The following PGAP1 variants were observed in gnomAD, a reference collection of about 807,000 sequenced individuals.
The protein encoded by PGAP1 is post-GPI attachment to proteins inositol deacylase 1.
In PGAP1, 76 loss-of-function variants were observed where a neutral mutation model predicts 127.0. The ratio of observed to expected loss-of-function variants is 0.60; its 90% CI spans 0.50 to 0.72. PGAP1 has a LOEUF of 0.72. PGAP1 is among the 30% of genes least tolerant of loss of function. The pLI is 0.00. For synonymous variants in PGAP1, 362 were observed against 366.5 expected (o/e 0.99, Z 0.14); for missense variants, 982 against 1,071.3 (o/e 0.92, Z 1.16).
chr2:196,924,349 T>C (rs755790010), intron 1 of PGAP1, among the ~76,000 whole-genome samples: 1 of 152,182 alleles, frequency 6.6e-6, no homozygotes, highest in Non-Finnish European at 1.5e-5. Flanking sequence ...CTATAAAATA[T>C]AATTAAAAGT....
intron 19 of PGAP1, among the ~76,000 whole-genome samples, chr2:196,868,540 T>G (rs997931603): frequency 1.3e-5 from 2 of 152,196 alleles, no homozygotes; most frequent in Non-Finnish European, 1.5e-5. Flanking sequence ...AATTAAAATA[T>G]TTCATCTAAA....
intron 7 of PGAP1, among the ~76,000 whole-genome samples, chr2:196,896,600 C>G (rs1702280205): frequency 6.6e-6 from 1 of 152,078 alleles, no homozygotes; most frequent in Non-Finnish European, 1.5e-5. Context: ...AATCCCAGCA[C>G]TTTGGGAGGC....
At chr2:196,845,179 AT>A (rs1173931306) in intron 23 of PGAP1, among the ~76,000 whole-genome samples, 1 of 151,950 alleles carries the variant, frequency 6.6e-6, no homozygotes, top group Non-Finnish European at 1.5e-5. Context: ...GCTGTAAATA[AT>A]TTTTTAAGAA....
At chr2:196,868,057 T>G (rs1179869397) in intron 19 of PGAP1, among the ~76,000 whole-genome samples, 1 of 152,184 alleles carries the variant, frequency 6.6e-6, no homozygotes, top group Non-Finnish European at 1.5e-5. Context: ...GATTCCAGCT[T>G]TGCCTCTCAC....
At chr2:196,913,616 CTTT>C (rs1388093061) in intron 3 of PGAP1, among the ~76,000 whole-genome samples, 1 of 152,164 alleles carries the variant, frequency 6.6e-6, no homozygotes, top group African/African-American at 2.4e-5. Context: ...TTCAAAAAAT[CTTT>C]TGTTTTCAAC....
rs1700249672 is a variant in PGAP1 at position 196,836,842 on chromosome 2, G to A, written c.*4392C>T. On this transcript the variant is annotated 3_prime_UTR_variant, in exon 27 of 27. Coordinates refer to ENST00000354764, the MANE Select transcript of PGAP1 (RefSeq NM_024989.4). ...TTACTGCTTTCTTATCCTGGCAAAT[G>A]TCATGCACTCCAAATGGATTTTCCC... The A allele has an allele frequency of 6.6e-6, 1 of 152,128 alleles. No individual in the cohort carries two copies. The highest frequency in any genetic ancestry group is 1.5e-5 in the Non-Finnish European group (1 of 68,018). 9.4% of individuals were successfully genotyped at this position (152,128 alleles called of 1,614,324 possible).
intron 18 of PGAP1, among the ~76,000 whole-genome samples, 200 bp from the exon 19 acceptor site, chr2:196,871,179 T>C (rs1701399289): frequency 6.6e-6 from 1 of 152,200 alleles, no homozygotes; most frequent in Non-Finnish European, 1.5e-5. Flanking sequence ...CTGTTTAGTA[T>C]ACTTTCCCAC....
chr2:196,922,606 ACACACACAC>A (rs1298714143), intron 1 of PGAP1: 33 of 810,870 alleles, frequency 4.1e-5, no homozygotes, highest in South Asian at 1.1e-4. Context: ...ACACACACAC[ACACACACAC>A]AACAAAGCTT....
intron 1 of PGAP1, among the ~76,000 whole-genome samples, chr2:196,920,758 A>G (rs1188293595): frequency 6.6e-6 from 1 of 152,100 alleles, no homozygotes; most frequent in East Asian, 1.9e-4. Flanking sequence ...CTTACCATAA[A>G]CATTCCAGTG....
intron 14 of PGAP1, among the ~76,000 whole-genome samples, chr2:196,874,422 T>A (rs1701497873): frequency 6.6e-6 from 1 of 152,154 alleles, no homozygotes; most frequent in African/African-American, 2.4e-5. Flanking sequence ...ACCAGAGTGA[T>A]ATTTGCTAAG....
intron 4 of PGAP1, among the ~76,000 whole-genome samples, chr2:196,911,777 T>A (rs1194483126): frequency 6.6e-6 from 1 of 152,202 alleles, no homozygotes; most frequent in Non-Finnish European, 1.5e-5. Context: ...AACAATAAGT[T>A]GAGATAACAG....
intron 7 of PGAP1, among the ~76,000 whole-genome samples, chr2:196,893,599 A>T (rs903747555): frequency 6.6e-6 from 1 of 152,202 alleles, no homozygotes; most frequent in Non-Finnish European, 1.5e-5. Flanking sequence ...AAAACATTAT[A>T]AAAATGTATA....
intron 20 of PGAP1, among the ~76,000 whole-genome samples, chr2:196,854,418 T>G (rs534941080): frequency 6.6e-6 from 1 of 152,290 alleles, no homozygotes; most frequent in African/African-American, 2.4e-5. Flanking sequence ...TTACATAAAT[T>G]CATAGAAATC....
At chr2:196,882,577 G>A (rs1701766527) in intron 12 of PGAP1, among the ~76,000 whole-genome samples, 1 of 152,124 alleles carries the variant, frequency 6.6e-6, no homozygotes, top group South Asian at 2.1e-4. Context: ...TCTCTGATCA[G>A]TTGTATTCCT....
intron 20 of PGAP1, among the ~76,000 whole-genome samples, chr2:196,863,818 A>C (rs189178329): frequency 1.8e-3 from 272 of 152,100 alleles, no homozygotes; most frequent in Middle Eastern, 6.8e-3. Flanking sequence ...ACCTCAGGTG[A>C]TCCGCCCGCC....
chr2:196,863,499 A>G (rs1438958898), intron 20 of PGAP1, among the ~76,000 whole-genome samples: 1 of 152,212 alleles, frequency 6.6e-6, no homozygotes, highest in East Asian at 1.9e-4. Context: ...GCCCTCATTC[A>G]TATCTGGGAA....
At position 196,926,629 on chromosome 2, in the gene PGAP1, ACCG is replaced by A. The variant is rs745913420; in HGVS notation, c.-16_-14del. On this transcript the variant is annotated 5_prime_UTR_variant, in exon 1 of 27. Transcript: ENST00000354764. ...AGTGAAGAAACATGGTGCCGCCACC[ACCG>A]CCGCCGCCGCCGCCGCCCCCTCTAC... The A allele has an allele frequency of 2.3e-5, 37 of 1,603,112 alleles. No homozygotes were observed. The highest frequency in any genetic ancestry group is 3.3e-4 in the Middle Eastern group (2 of 5,982).
intron 19 of PGAP1, among the ~76,000 whole-genome samples, chr2:196,869,896 A>C (rs1156337704): frequency 6.6e-6 from 1 of 152,226 alleles, no homozygotes; most frequent in Non-Finnish European, 1.5e-5. Flanking sequence ...TAGAGTTAAA[A>C]CAAAATTCTA....
intron 4 of PGAP1, among the ~76,000 whole-genome samples, chr2:196,912,102 A>C (rs993249773): frequency 1.3e-5 from 2 of 152,330 alleles, no homozygotes; most frequent in Admixed American, 6.5e-5. Flanking sequence ...GGACTGCAGT[A>C]AGGATTAAGT....
Sources: gnomAD v4.1 joint callset for allele counts (sites outside exome capture counted in the v4.1 genomes callset) on GRCh38, gnomAD v4.1.1 for gene constraint, MANE v1.5 for transcripts, NCBI Gene and HGNC (gene_info 2026-07-23, HGNC 2026-07-21) for gene names.